Variants in CSMD1 observed in about 807,000 individuals in gnomAD.
CSMD1 encodes the protein CUB and Sushi multiple domains 1.
Under a neutral mutation model 417.5 loss-of-function variants are expected in CSMD1, and 213 were observed. That is an observed-to-expected ratio of 0.51 (90% CI 0.46 to 0.57). The LOEUF is 0.57. Among genes scored for constraint, CSMD1 ranks in the 20% least tolerant of loss-of-function variants. The pLI is 0.00. For missense variants in CSMD1, 6,923 were observed against 4,529.7 expected (o/e 1.53, Z -15.17); for synonymous variants, 2,862 against 1,736.8 (o/e 1.65, Z -16.11).
intron 1 of CSMD1, among the ~76,000 whole-genome samples, chr8:4,954,437 G>A (rs35533959): frequency 0.4 from 61,396 of 151,986 alleles, 13,068 homozygotes; most frequent in East Asian, 0.64. Context: ...GTGCACAATT[G>A]TATAGCTGAC....
intron 3 of CSMD1, among the ~76,000 whole-genome samples, chr8:4,148,368 T>C (rs1199236993): frequency 1.3e-5 from 1 of 75,978 alleles, no homozygotes; most frequent in Non-Finnish European, 2.4e-5. Flanking sequence ...GTGCCTGTTG[T>C]GGGGTGGGGG....
chr8:4,818,893 G>C (rs1359491203), intron 1 of CSMD1, among the ~76,000 whole-genome samples: 2 of 152,170 alleles, frequency 1.3e-5, no homozygotes, highest in Non-Finnish European at 2.9e-5. Flanking sequence ...AGAAAGTTCA[G>C]TTTAAGTGGT....
chr8:4,229,739 C>T (rs748933500), intron 3 of CSMD1, among the ~76,000 whole-genome samples: 16 of 152,282 alleles, frequency 1.1e-4, no homozygotes, highest in Admixed American at 2.0e-4. Flanking sequence ...CCTCTGCCGT[C>T]CTGCTTCTAC....
At chr8:3,413,866 C>A (rs1011296617) in intron 12 of CSMD1, among the ~76,000 whole-genome samples, 1 of 151,972 alleles carries the variant, frequency 6.6e-6, no homozygotes, top group Non-Finnish European at 1.5e-5. Flanking sequence ...CAGCCAGATG[C>A]GGTAGCTCAC....
chr8:3,309,373 T>TGCATGGTTATGAG (rs1455135618), intron 23 of CSMD1, among the ~76,000 whole-genome samples: 2 of 147,314 alleles, frequency 1.4e-5, no homozygotes, highest in Non-Finnish European at 3.0e-5. Context: ...CTCCTGATGG[T>TGCATGGTTATGAG]GCATGGTTAT....
At chr8:3,459,612 C>A (rs1816372477) in intron 12 of CSMD1, among the ~76,000 whole-genome samples, 1 of 152,106 alleles carries the variant, frequency 6.6e-6, no homozygotes, top group Non-Finnish European at 1.5e-5. Flanking sequence ...AGCAGCAGAG[C>A]ACCCACCACT....
intron 3 of CSMD1, among the ~76,000 whole-genome samples, chr8:4,196,946 G>T (rs961341740): frequency 6.6e-6 from 1 of 152,036 alleles, no homozygotes; most frequent in Non-Finnish European, 1.5e-5. Context: ...TTTGTTCTTT[G>T]CTCCAATTTT....
chr8:4,357,271 C>G (rs1408434522), intron 3 of CSMD1, among the ~76,000 whole-genome samples: 1 of 152,148 alleles, frequency 6.6e-6, no homozygotes, highest in Non-Finnish European at 1.5e-5. Context: ...AAAAAGTAAC[C>G]TTATAGATCT....
At chr8:4,262,254 T>A (rs1356035520) in intron 3 of CSMD1, among the ~76,000 whole-genome samples, 6 of 152,192 alleles carry the variant, frequency 3.9e-5, no homozygotes, top group Admixed American at 3.3e-4. Flanking sequence ...CGGGGCATGG[T>A]GGAGGATGCC....
Position 3,547,423 on chromosome 8 carries a change from C to T in CSMD1, c.1344+27522G>A, listed in dbSNP as rs544948915. On this transcript the variant is annotated intron_variant, in intron 10 of 69. Transcript: ENST00000635120. ...TGATTCAGTTTTTAAAACACTACTT[C>T]TTGTACATATACAGATGTATAAACG... 1.1e-3 allele frequency among the ~76,000 whole-genome samples: 164 copies of T among 152,278 alleles called. 1 individual carries two copies. Among genetic ancestry groups the T allele is most frequent in the African/African-American group, 3.9e-3 (160 of 41,556 alleles).
intron 1 of CSMD1, among the ~76,000 whole-genome samples, chr8:4,914,583 G>GAAAAAAAAAAAAA (rs59293226): frequency 1.5e-5 from 2 of 133,684 alleles, no homozygotes; most frequent in African/African-American, 2.8e-5. Flanking sequence ...CTCCCAAAAA[G>GAAAAAAAAAAAAA]AAAAAAAAAA....
chr8:3,320,326 G>A (rs1222746305), intron 23 of CSMD1, among the ~76,000 whole-genome samples: 1 of 151,968 alleles, frequency 6.6e-6, no homozygotes, highest in African/African-American at 2.4e-5. Flanking sequence ...CCCCTGCCTC[G>A]TGCCTCCTTC....
chr8:4,307,953 GGA>G (rs1325630433), intron 3 of CSMD1, among the ~76,000 whole-genome samples: 1 of 152,160 alleles, frequency 6.6e-6, no homozygotes, highest in Non-Finnish European at 1.5e-5. Flanking sequence ...GTGTAACAGA[GGA>G]GAGACACACC....
At chr8:3,670,119 G>A (rs1585047697) in intron 7 of CSMD1, among the ~76,000 whole-genome samples, 2 of 152,104 alleles carry the variant, frequency 1.3e-5, no homozygotes, top group Non-Finnish European at 2.9e-5. Context: ...GATCCTGGGT[G>A]TGTCTCTGAG....
chr8:4,364,076 T>C (rs1334595853), intron 3 of CSMD1, among the ~76,000 whole-genome samples: 1 of 152,218 alleles, frequency 6.6e-6, no homozygotes, highest in East Asian at 1.9e-4. Flanking sequence ...AAAAGTTAAG[T>C]GCTTGAGGGA....
intron 3 of CSMD1, among the ~76,000 whole-genome samples, chr8:4,121,430 A>T (rs970342198): frequency 6.6e-6 from 1 of 152,108 alleles, no homozygotes; most frequent in African/African-American, 2.4e-5. Flanking sequence ...CAGAATTCAC[A>T]CGCCCACCAC....
At chr8:3,731,923 G>C (rs890110348) in intron 6 of CSMD1, among the ~76,000 whole-genome samples, 3 of 152,154 alleles carry the variant, frequency 2.0e-5, no homozygotes, top group Non-Finnish European at 4.4e-5. Context: ...TTTTGGACCT[G>C]AGGTTTGAAA....
At chr8:4,091,581 T>C (rs1800722994) in intron 3 of CSMD1, among the ~76,000 whole-genome samples, 1 of 152,160 alleles carries the variant, frequency 6.6e-6, no homozygotes, top group African/African-American at 2.4e-5. Flanking sequence ...CCCTCAGTAT[T>C]ATAATTGTAG....
At chr8:4,586,391 G>A (rs910003765) in intron 2 of CSMD1, among the ~76,000 whole-genome samples, 1 of 152,102 alleles carries the variant, frequency 6.6e-6, no homozygotes, top group Non-Finnish European at 1.5e-5. Flanking sequence ...TACATAAACT[G>A]TTAAAGTCAC....
Sources: gnomAD v4.1 joint callset for allele counts (sites outside exome capture counted in the v4.1 genomes callset) on GRCh38, gnomAD v4.1.1 for gene constraint, MANE v1.5 for transcripts, NCBI Gene and HGNC (gene_info 2026-07-23, HGNC 2026-07-21) for gene names.